Variants in ALDH9A1 observed in about 807,000 individuals in gnomAD.
The protein encoded by ALDH9A1 is aldehyde dehydrogenase 9 family member A1.
ALDH9A1 carries 42 observed loss-of-function variants against 56.6 expected under a neutral mutation model. The ratio of observed to expected loss-of-function variants is 0.74; its 90% CI spans 0.58 to 0.96. ALDH9A1 has a LOEUF of 0.96. Ranked by LOEUF, ALDH9A1 falls within the 40% of genes least tolerant of loss-of-function variation. The pLI is 0.00. For synonymous variants in ALDH9A1, 242 were observed against 236.0 expected (o/e 1.03, Z -0.23); for missense variants, 661 against 651.5 (o/e 1.01, Z -0.16).
chr1:165,695,078 G>A (rs138453198), intron 2 of ALDH9A1, among the ~76,000 whole-genome samples, 174 bp downstream of exon 2: 2,514 of 152,264 alleles, frequency 0.017, 54 homozygotes, highest in Non-Finnish European at 0.022. Flanking sequence ...CCAACATCCA[G>A]ATGGGAAGTA....
chr1:165,690,275 G>A (rs71628388), intron 2 of ALDH9A1, among the ~76,000 whole-genome samples: 1 of 151,284 alleles, frequency 6.6e-6, no homozygotes, highest in Non-Finnish European at 1.5e-5. Flanking sequence ...GAAACTCTCA[G>A]ACCCGTCACA....
Position 165,694,881 on chromosome 1 carries a change from G to A in ALDH9A1, c.327+371C>T, listed in dbSNP as rs549198617. 7.9e-5 allele frequency among the ~76,000 whole-genome samples: 12 copies of A among 151,784 alleles called. No homozygotes were observed. In the East Asian group the frequency reaches 1.2e-3, roughly 15 times the overall value. ...TGAGGCAGGAGAATTGCTTGAGCCC[G>A]GGAGGCGAAGGTTGCAGTGAGCCGA... On this transcript the variant is annotated intron_variant, in intron 2 of 10. Coordinates refer to ENST00000354775, the MANE Select transcript of ALDH9A1 (RefSeq NM_000696.4).
At chr1:165,682,022 A>G in intron 4 of ALDH9A1, 85 bp downstream of exon 4, 1 of 1,531,772 alleles carries the variant, frequency 6.5e-7, no homozygotes, top group East Asian at 2.2e-5. Flanking sequence ...GTGTGTTTAT[A>G]GAGAGGTGAA....
chr1:165,697,183 T>C (rs1327474927), intron 1 of ALDH9A1, among the ~76,000 whole-genome samples: 3 of 152,244 alleles, frequency 2.0e-5, no homozygotes, highest in Non-Finnish European at 4.4e-5. Flanking sequence ...ATCCAGTGCC[T>C]AGCACAGTGC....
intron 2 of ALDH9A1, among the ~76,000 whole-genome samples, chr1:165,685,753 T>C (rs552730326): frequency 6.6e-6 from 1 of 152,266 alleles, no homozygotes; most frequent in East Asian, 1.9e-4. Flanking sequence ...ATGGCCAGTT[T>C]TACCCAAGGA....
chr1:165,676,641 TC>T (rs1345581840), intron 6 of ALDH9A1: 2 of 355,498 alleles, frequency 5.6e-6, no homozygotes, highest in African/African-American at 2.2e-5. Context: ...AAGAAGATGA[TC>T]AGAAAAAGAA....
Position 165,694,969 on chromosome 1 carries a change from A to T in ALDH9A1, c.327+283T>A, listed in dbSNP as rs199738324. ...AGATTCCGTCTCAAAAAAAAAAAAA[A>T]ATAAAAATAAAAAAAGGACGATGAG... On this transcript the variant is annotated intron_variant, in intron 2 of 10. Transcript: ENST00000354775. 6.7e-3 allele frequency among the ~76,000 whole-genome samples: 1,018 copies of T among 151,932 alleles called. 19 individuals carry two copies. The highest frequency in any genetic ancestry group is 0.059 in the South Asian group (286 of 4,814).
intron 2 of ALDH9A1, among the ~76,000 whole-genome samples, chr1:165,691,364 C>T (rs1448158544): frequency 6.6e-6 from 1 of 152,168 alleles, no homozygotes; most frequent in African/African-American, 2.4e-5. Flanking sequence ...ACATCCACAC[C>T]AAAACCCCAT....
intron 10 of ALDH9A1, among the ~76,000 whole-genome samples, chr1:165,664,426 T>G (rs941266696): frequency 6.6e-6 from 1 of 152,224 alleles, no homozygotes; most frequent in African/African-American, 2.4e-5. Context: ...ACTTACAAAT[T>G]TATATGTTGT....
Position 165,695,347 on chromosome 1 carries a change from C to G in ALDH9A1, c.232G>C (p.Ala78Pro). Reference protein sequence around the residue: ...TCSGEKEVNLAVQNAKAAFKI... With the variant: ...TCSGEKEVNLPVQNAKAAFKI... ...AAAGCAGCCTTTGCATTTTGAACAGCCAAATTTACTTCCTTTTCTCCTGAA... is the reference window on the plus strand; with the variant it reads ...AAAGCAGCCTTTGCATTTTGAACAGGCAAATTTACTTCCTTTTCTCCTGAA... The change falls in exon 2 of 11, where the codon GCT (alanine) becomes CCT (proline). Residue 78 changes from alanine (A) to proline (P), a missense_variant. Transcript: ENST00000354775. 1 of 1,613,370 alleles carries G rather than the reference C, an allele frequency of 6.2e-7. No individual in the cohort carries two copies.
At chr1:165,676,792 T>A (rs536807418) in intron 6 of ALDH9A1, 2 of 462,544 alleles carry the variant, frequency 4.3e-6, no homozygotes, top group South Asian at 1.8e-5. Context: ...ATGATAGGTA[T>A]AAAAAAATAA....
chr1:165,668,790 T>C, intron 8 of ALDH9A1, 136 bp downstream of exon 8: 2 of 652,452 alleles, frequency 3.1e-6, no homozygotes, highest in Non-Finnish European at 5.2e-6. Flanking sequence ...GCAGTTCTAC[T>C]TCTTAAACTT....
At chr1:165,680,710 A>G in intron 4 of ALDH9A1, 27 bp from the exon 5 acceptor site, 10 of 1,568,794 alleles carry the variant, frequency 6.4e-6, no homozygotes, top group African/African-American at 1.4e-5. Context: ...CACAAACATA[A>G]AAAGACTTTC....
chr1:165,672,674 C>T (rs547056095), intron 6 of ALDH9A1, among the ~76,000 whole-genome samples: 8 of 152,236 alleles, frequency 5.3e-5, no homozygotes, highest in South Asian at 2.1e-4. Context: ...TGGTGGCTCA[C>T]GCCTGTAGTT....
In ALDH9A1 at chr1:165,662,414, TTTGACCCCATCTATTATC is replaced by T. The variant is rs1648869878; in HGVS notation, c.*618_*635del. ...TAGGCAAGTTCACATTCACACAGAA[TTTGACCCCATCTATTATC>T]TAATCCCCTCCCTATCCCAGTTGTC... On this transcript the variant is annotated 3_prime_UTR_variant, in exon 11 of 11. Coordinates refer to ENST00000354775, the MANE Select transcript of ALDH9A1 (RefSeq NM_000696.4). The T allele has an allele frequency of 1.3e-5, 2 of 152,506 alleles. No individual in the cohort carries two copies. The highest frequency in any genetic ancestry group is 4.8e-5 in the African/African-American group (2 of 41,556). The allele number at this position is 152,506 out of a possible 1,614,324, so 9.4% of individuals were successfully genotyped here. A position where few individuals can be genotyped will look rare whatever the true frequency, so the allele number is the denominator to read the frequency against.
At chr1:165,676,603 G>T in intron 6 of ALDH9A1, 1 of 304,720 alleles carries the variant, frequency 3.3e-6, no homozygotes, top group South Asian at 3.6e-5. Flanking sequence ...AGCGCTCTAA[G>T]ACCCAAGATA....
At chr1:165,670,897 C>T (rs558239544) in intron 6 of ALDH9A1, among the ~76,000 whole-genome samples, 7 of 152,210 alleles carry the variant, frequency 4.6e-5, no homozygotes, top group South Asian at 2.1e-4. Flanking sequence ...CATGGCAAGA[C>T]GTCATCTCTA....
intron 2 of ALDH9A1, among the ~76,000 whole-genome samples, chr1:165,690,511 A>G (rs575848254): frequency 3.7e-4 from 57 of 152,304 alleles, no homozygotes; most frequent in African/African-American, 1.1e-3. Flanking sequence ...AATGCAGAAG[A>G]CGGTGATTTC....
chr1:165,683,339 AT>A (rs1649612541), intron 2 of ALDH9A1, among the ~76,000 whole-genome samples: 3 of 152,234 alleles, frequency 2.0e-5, no homozygotes, highest in Admixed American at 2.0e-4. Flanking sequence ...CCACTACTTT[AT>A]TTCAAGATCA....
Sources: gnomAD v4.1 joint callset for allele counts (sites outside exome capture counted in the v4.1 genomes callset) on GRCh38, gnomAD v4.1.1 for gene constraint, MANE v1.5 for transcripts, NCBI Gene and HGNC (gene_info 2026-07-23, HGNC 2026-07-21) for gene names.